The following PTPRD variants were observed in gnomAD, a reference collection of about 807,000 sequenced individuals.
The protein encoded by PTPRD is protein tyrosine phosphatase receptor type D.
Under a neutral mutation model 214.5 loss-of-function variants are expected in PTPRD, and 34 were observed. That is an observed-to-expected ratio of 0.16 (90% CI 0.12 to 0.21). The LOEUF is 0.21. Ranked by LOEUF, PTPRD falls within the 10% of genes least tolerant of loss-of-function variation. The probability of loss-of-function intolerance (pLI) is 1.00; values close to 1 mark genes in which losing one functional copy is unlikely to be tolerated. For missense variants in PTPRD, 2,545 were observed against 2,398.7 expected (o/e 1.06, Z -1.27); for synonymous variants, 1,128 against 845.7 (o/e 1.33, Z -5.79).
intron 3 of PTPRD, among the ~76,000 whole-genome samples, chr9:10,268,866 C>T (rs75940138): frequency 6.6e-6 from 1 of 152,172 alleles, no homozygotes; most frequent in African/African-American, 2.4e-5. Context: ...TATATTCGCC[C>T]ATCTAGGGCA....
intron 11 of PTPRD, among the ~76,000 whole-genome samples, chr9:8,904,266 G>T (rs2098692330): frequency 6.6e-6 from 1 of 152,132 alleles, no homozygotes; most frequent in Admixed American, 6.5e-5. Context: ...TAAAGTTTTA[G>T]AACTCAGTAA....
chr9:9,720,157 T>G (rs980808800), intron 7 of PTPRD, among the ~76,000 whole-genome samples: 3 of 152,192 alleles, frequency 2.0e-5, no homozygotes, highest in African/African-American at 7.2e-5. Flanking sequence ...AGTGACATCC[T>G]GCATCAACAT....
chr9:8,664,238 T>C (rs2097126936), intron 12 of PTPRD, among the ~76,000 whole-genome samples: 1 of 152,158 alleles, frequency 6.6e-6, no homozygotes, highest in South Asian at 2.1e-4. Context: ...TTAATAAGCC[T>C]TTAAAAAAAT....
intron 4 of PTPRD, among the ~76,000 whole-genome samples, chr9:9,956,612 C>A (rs923610582): frequency 3.3e-5 from 5 of 151,942 alleles, no homozygotes; most frequent in African/African-American, 9.7e-5. Flanking sequence ...GTATTAAATA[C>A]TTATTCTTCA....
intron 7 of PTPRD, among the ~76,000 whole-genome samples, chr9:9,579,019 T>C (rs1396676206): frequency 1.3e-5 from 2 of 152,170 alleles, no homozygotes; most frequent in Admixed American, 1.3e-4. Flanking sequence ...TTCTTTATCA[T>C]ACACATTTTT....
At chr9:8,821,304 T>C (rs924721404) in intron 11 of PTPRD, among the ~76,000 whole-genome samples, 1 of 152,208 alleles carries the variant, frequency 6.6e-6, no homozygotes, top group African/African-American at 2.4e-5. Flanking sequence ...TCTCTCTCTC[T>C]CACATGGTAA....
At chr9:9,499,713 T>C (rs2096337791) in intron 8 of PTPRD, among the ~76,000 whole-genome samples, 1 of 152,076 alleles carries the variant, frequency 6.6e-6, no homozygotes, top group South Asian at 2.1e-4. Context: ...TCAATAATGC[T>C]GAATGAATAC....
At chr9:8,622,871 G>A (rs13301645) in intron 14 of PTPRD, among the ~76,000 whole-genome samples, 2 of 151,880 alleles carry the variant, frequency 1.3e-5, no homozygotes, top group African/African-American at 2.4e-5. Flanking sequence ...GGTAGCAGCG[G>A]CTTATGCCTG....
At chr9:10,221,891 C>T (rs1452054984) in intron 3 of PTPRD, among the ~76,000 whole-genome samples, 1 of 151,678 alleles carries the variant, frequency 6.6e-6, no homozygotes, top group Non-Finnish European at 1.5e-5. Context: ...TTATCTTGAT[C>T]TAAAAATGGT....
intron 10 of PTPRD, among the ~76,000 whole-genome samples, chr9:9,137,638 T>C (rs1308741326): frequency 1.3e-5 from 2 of 152,188 alleles, no homozygotes; most frequent in Non-Finnish European, 2.9e-5. Context: ...TCTAAACAAA[T>C]TAGTTTATTT....
chr9:9,379,271 C>T (rs1392052918), intron 9 of PTPRD, among the ~76,000 whole-genome samples: 1 of 149,606 alleles, frequency 6.7e-6, no homozygotes, highest in African/African-American at 2.4e-5. Flanking sequence ...TTCAATGTCC[C>T]TCTCCCATTT....
At chr9:9,345,539 A>AT (rs543991964) in intron 9 of PTPRD, among the ~76,000 whole-genome samples, 96 of 152,210 alleles carry the variant, frequency 6.3e-4, no homozygotes, top group African/African-American at 2.3e-3. Flanking sequence ...GATGTAGTAT[A>AT]TTTTTTTAAA....
chr9:8,767,823 T>C (rs2094880007), intron 11 of PTPRD, among the ~76,000 whole-genome samples: 1 of 152,162 alleles, frequency 6.6e-6, no homozygotes, highest in African/African-American at 2.4e-5. Context: ...ATAACTTAAG[T>C]TGAGAACCAC....
intron 5 of PTPRD, among the ~76,000 whole-genome samples, chr9:9,813,141 G>A (rs1019446435): frequency 1.3e-5 from 2 of 152,010 alleles, no homozygotes; most frequent in East Asian, 1.9e-4. Context: ...ATAAGACGCA[G>A]TACAAGAAGT....
At chr9:8,927,234 T>C (rs1020032174) in intron 11 of PTPRD, among the ~76,000 whole-genome samples, 1 of 152,154 alleles carries the variant, frequency 6.6e-6, no homozygotes, top group South Asian at 2.1e-4. Flanking sequence ...TTATTTATTT[T>C]TATTATACTT....
At chr9:9,221,050 T>C (rs775201719) in intron 9 of PTPRD, among the ~76,000 whole-genome samples, 44 of 152,056 alleles carry the variant, frequency 2.9e-4, no homozygotes, top group Non-Finnish European at 2.2e-4. Context: ...AAATATCGGG[T>C]GTGAAGACAT....
intron 9 of PTPRD, among the ~76,000 whole-genome samples, chr9:9,213,785 C>G: frequency 6.6e-6 from 1 of 152,144 alleles, no homozygotes; most frequent in Non-Finnish European, 1.5e-5. Flanking sequence ...CATCCCTTCA[C>G]AGCATTCCTT....
At chr9:8,835,700 T>C (rs541043387) in intron 11 of PTPRD, among the ~76,000 whole-genome samples, 8 of 152,218 alleles carry the variant, frequency 5.3e-5, no homozygotes, top group Non-Finnish European at 1.2e-4. Flanking sequence ...AGCTAATTTA[T>C]TTTTACTTTT....
chr9:8,867,700 A>T (rs1459199584), intron 11 of PTPRD, among the ~76,000 whole-genome samples: 1 of 152,194 alleles, frequency 6.6e-6, no homozygotes, highest in African/African-American at 2.4e-5. Context: ...TCTGTGATTC[A>T]ATCTTACCTG....
Sources: allele counts gnomAD v4.1 joint callset (sites outside exome capture counted in the v4.1 genomes callset), GRCh38; gene constraint gnomAD v4.1.1; transcripts MANE v1.5; gene names NCBI Gene and HGNC (gene_info 2026-07-23, HGNC 2026-07-21).